Variants in AGBL4 observed in about 807,000 individuals in gnomAD.
AGBL4 encodes the protein cytosolic carboxypeptidase 6.
In AGBL4, 58 loss-of-function variants were observed where a neutral mutation model predicts 66.4. The ratio of observed to expected loss-of-function variants is 0.87; its 90% CI spans 0.71 to 1.09. The LOEUF (loss-of-function observed/expected upper bound fraction) is 1.09. Ranked by LOEUF, AGBL4 falls within the 50% of genes least tolerant of loss-of-function variation. The pLI, the probability that AGBL4 is intolerant of heterozygous loss-of-function variation, is 0.00. For synonymous variants in AGBL4, 234 were observed against 222.9 expected (o/e 1.05, Z -0.44); for missense variants, 579 against 631.0 (o/e 0.92, Z 0.88).
At chr1:48,622,666 T>G (rs1466727600) in intron 9 of AGBL4, among the ~76,000 whole-genome samples, 1 of 151,950 alleles carries the variant, frequency 6.6e-6, no homozygotes, top group East Asian at 1.9e-4. Flanking sequence ...GTATTTTTAG[T>G]AGAGATGTGG....
chr1:48,691,731 C>A (rs531961882), intron 6 of AGBL4, among the ~76,000 whole-genome samples: 11 of 152,294 alleles, frequency 7.2e-5, no homozygotes, highest in African/African-American at 2.4e-4. Context: ...CTAAAATAGA[C>A]CCAGAGCAGA....
intron 4 of AGBL4, among the ~76,000 whole-genome samples, chr1:49,192,451 A>G (rs1157952039): frequency 6.6e-6 from 1 of 152,150 alleles, no homozygotes; most frequent in African/African-American, 2.4e-5. Context: ...GGCACACGCC[A>G]CCACACCCAG....
chr1:48,650,284 G>C (rs774974738), intron 8 of AGBL4, among the ~76,000 whole-genome samples: 8 of 152,234 alleles, frequency 5.3e-5, no homozygotes, highest in Non-Finnish European at 8.8e-5. Context: ...TCTGAGGCTT[G>C]AGAGTCTGCA....
chr1:49,981,185 A>G (rs1302249502), intron 1 of AGBL4, among the ~76,000 whole-genome samples: 1 of 152,200 alleles, frequency 6.6e-6, no homozygotes, highest in Non-Finnish European at 1.5e-5. Context: ...AATTATAACA[A>G]TCTCAAAGGA....
chr1:49,578,021 G>A (rs1644470167), intron 3 of AGBL4, among the ~76,000 whole-genome samples: 1 of 152,150 alleles, frequency 6.6e-6, no homozygotes, highest in Non-Finnish European at 1.5e-5. Flanking sequence ...CTGTTCCCGT[G>A]ACCTTATGTT....
intron 5 of AGBL4, among the ~76,000 whole-genome samples, chr1:49,040,712 T>C (rs561477488): frequency 4.4e-4 from 67 of 152,202 alleles, no homozygotes; most frequent in African/African-American, 1.6e-3. Flanking sequence ...AAGATTCTGT[T>C]TTGAAATGTT....
chr1:48,666,804 T>C (rs1322928255), intron 6 of AGBL4, among the ~76,000 whole-genome samples: 1 of 152,250 alleles, frequency 6.6e-6, no homozygotes, highest in Non-Finnish European at 1.5e-5. Context: ...GAGGACAATA[T>C]CATCCCATTG....
At chr1:49,477,157 G>C (rs1412466590) in intron 3 of AGBL4, among the ~76,000 whole-genome samples, 2 of 152,096 alleles carry the variant, frequency 1.3e-5, no homozygotes, top group Non-Finnish European at 2.9e-5. Flanking sequence ...TCACTGAAGG[G>C]AAGGATATAA....
At chr1:49,517,485 A>G (rs1309772247) in intron 3 of AGBL4, among the ~76,000 whole-genome samples, 1 of 151,978 alleles carries the variant, frequency 6.6e-6, no homozygotes, top group Non-Finnish European at 1.5e-5. Context: ...GTTCAGTGAC[A>G]GAAGAATGAG....
chr1:48,574,532 CTTTTCT>C (rs760888360), intron 11 of AGBL4, among the ~76,000 whole-genome samples: 35 of 149,986 alleles, frequency 2.3e-4, no homozygotes, highest in Non-Finnish European at 3.0e-4. Context: ...TTTTTCTTTT[CTTTTCT>C]TTTTTTTTTT....
chr1:48,805,258 A>C (rs1310699291), intron 6 of AGBL4, among the ~76,000 whole-genome samples: 1 of 152,156 alleles, frequency 6.6e-6, no homozygotes, highest in Non-Finnish European at 1.5e-5. Context: ...AATGACATCT[A>C]ACTAAGTTTC....
intron 1 of AGBL4, among the ~76,000 whole-genome samples, chr1:49,867,413 A>G (rs1047477423): frequency 6.6e-6 from 1 of 151,398 alleles, no homozygotes. Flanking sequence ...ATATGTATAC[A>G]TGTGCCATGT....
chr1:49,343,888 A>C (rs1242631869), intron 3 of AGBL4, among the ~76,000 whole-genome samples: 2 of 152,248 alleles, frequency 1.3e-5, no homozygotes, highest in African/African-American at 4.8e-5. Flanking sequence ...TGACTTTAGT[A>C]ATCTTTGAGA....
intron 5 of AGBL4, among the ~76,000 whole-genome samples, chr1:49,008,468 C>T (rs1279396385): frequency 1.8e-4 from 27 of 148,212 alleles, no homozygotes; most frequent in Non-Finnish European, 3.2e-4. Flanking sequence ...GACAGATCAA[C>T]GAGACAGAAA....
At chr1:48,768,078 T>G (rs1386516169) in intron 6 of AGBL4, among the ~76,000 whole-genome samples, 1 of 152,204 alleles carries the variant, frequency 6.6e-6, no homozygotes, top group Non-Finnish European at 1.5e-5. Flanking sequence ...TCAAGTCTGT[T>G]TAATACAGGC....
intron 5 of AGBL4, among the ~76,000 whole-genome samples, chr1:48,930,435 G>T (rs1489469128): frequency 6.6e-6 from 1 of 151,924 alleles, no homozygotes; most frequent in African/African-American, 2.4e-5. Context: ...TTAAGTTTTT[G>T]TTGACTCCCT....
At chr1:49,315,875 G>A (rs1645031364) in intron 3 of AGBL4, among the ~76,000 whole-genome samples, 1 of 152,004 alleles carries the variant, frequency 6.6e-6, no homozygotes, top group Admixed American at 6.6e-5. Flanking sequence ...TCCTTCAATA[G>A]AGTAATAGAT....
chr1:49,386,255 G>A (rs1225966594), intron 3 of AGBL4, among the ~76,000 whole-genome samples: 2 of 137,020 alleles, frequency 1.5e-5, no homozygotes, highest in African/African-American at 2.7e-5. Context: ...TTTTTTGGAT[G>A]GATGGATGGA....
At chr1:48,860,776 AGATGTGAACACAGTGG>A (rs1261131332) in intron 6 of AGBL4, among the ~76,000 whole-genome samples, 1 of 152,186 alleles carries the variant, frequency 6.6e-6, no homozygotes, top group African/African-American at 2.4e-5. Context: ...TCACACAGGG[AGATGTGAACACAGTGG>A]GAGTTTGAGG....
Sources: allele counts gnomAD v4.1 joint callset (sites outside exome capture counted in the v4.1 genomes callset), GRCh38; gene constraint gnomAD v4.1.1; transcripts MANE v1.5; gene names NCBI Gene and HGNC (gene_info 2026-07-23, HGNC 2026-07-21).